The following PDE4D variants were observed in gnomAD, a reference collection of about 807,000 sequenced individuals.
PDE4D encodes the protein 3',5'-cyclic-AMP phosphodiesterase 4D.
Under a neutral mutation model 87.4 loss-of-function variants are expected in PDE4D, and 24 were observed. The observed-to-expected ratio is 0.27, with a 90% CI of 0.20 to 0.39. The LOEUF is 0.39. Ranked by LOEUF, PDE4D falls within the 10% of genes least tolerant of loss-of-function variation. PDE4D has a pLI of 1.00. For missense variants in PDE4D, 714 were observed against 1,041.0 expected (o/e 0.69, Z 4.32); for synonymous variants, 384 against 383.2 (o/e 1.00, Z -0.02).
chr5:60,053,438 G>A (rs1371972600), intron 2 of PDE4D, among the ~76,000 whole-genome samples: 2 of 152,150 alleles, frequency 1.3e-5, no homozygotes, highest in African/African-American at 4.8e-5. Context: ...CAAGCAATGG[G>A]GAAAGGATTC....
At chr5:60,225,020 GGGTATTTTCCCA>G (rs1412960037) in intron 1 of PDE4D, among the ~76,000 whole-genome samples, 1 of 151,968 alleles carries the variant, frequency 6.6e-6, no homozygotes, top group Non-Finnish European at 1.5e-5. Context: ...TCCAGCATCT[GGGTATTTTCCCA>G]GGTACCACCT....
At chr5:60,063,990 C>T (rs775142031) in intron 2 of PDE4D, among the ~76,000 whole-genome samples, 3 of 152,018 alleles carry the variant, frequency 2.0e-5, no homozygotes, top group Non-Finnish European at 4.4e-5. Flanking sequence ...CAATTGTATA[C>T]ATTATGCATC....
At chr5:59,571,348 T>C (rs967113162) in intron 1 of PDE4D, among the ~76,000 whole-genome samples, 10 of 152,206 alleles carry the variant, frequency 6.6e-5, no homozygotes, top group African/African-American at 2.4e-4. Flanking sequence ...TTTCCCTTTT[T>C]TTCTTGAATC....
intron 2 of PDE4D, among the ~76,000 whole-genome samples, chr5:59,209,932 G>A (rs904381898): frequency 1.3e-5 from 2 of 152,138 alleles, no homozygotes; most frequent in Non-Finnish European, 2.9e-5. Context: ...TTAAAATAAC[G>A]CTTGCACCCA....
chr5:60,218,073 A>T (rs1348862511), intron 1 of PDE4D, among the ~76,000 whole-genome samples: 2 of 152,076 alleles, frequency 1.3e-5, no homozygotes, highest in African/African-American at 4.8e-5. Context: ...GAATGAGTAG[A>T]TGTATTCATC....
At chr5:59,565,220 T>C (rs1394113369) in intron 1 of PDE4D, among the ~76,000 whole-genome samples, 1 of 152,074 alleles carries the variant, frequency 6.6e-6, no homozygotes, top group East Asian at 1.9e-4. Context: ...GCCTGTACAC[T>C]ATTTAGAAAG....
chr5:60,076,655 C>T (rs916864562), intron 2 of PDE4D, among the ~76,000 whole-genome samples: 11 of 140,444 alleles, frequency 7.8e-5, no homozygotes, highest in African/African-American at 3.0e-4. Flanking sequence ...CAGTTCCCAA[C>T]TTTGTTTTCT....
chr5:59,336,501 A>G (rs1777678146), intron 1 of PDE4D, among the ~76,000 whole-genome samples: 1 of 152,196 alleles, frequency 6.6e-6, no homozygotes, highest in African/African-American at 2.4e-5. Flanking sequence ...AGCAGGTGTA[A>G]TTAATAAAAG....
chr5:60,327,135 A>T (rs145409585), intron 1 of PDE4D, among the ~76,000 whole-genome samples: 11 of 150,648 alleles, frequency 7.3e-5, no homozygotes, highest in Non-Finnish European at 1.2e-4. Context: ...TTGACATAAG[A>T]TAGATTAATA....
intron 2 of PDE4D, among the ~76,000 whole-genome samples, chr5:60,012,426 T>C (rs1304377982): frequency 6.6e-6 from 1 of 152,228 alleles, no homozygotes; most frequent in Non-Finnish European, 1.5e-5. Context: ...AATGTGACTT[T>C]ATAAGAGAGC....
intron 11 of PDE4D, among the ~76,000 whole-genome samples, chr5:58,984,402 A>G (rs1745938993): frequency 6.6e-6 from 1 of 152,230 alleles, no homozygotes; most frequent in Non-Finnish European, 1.5e-5. Flanking sequence ...ATGTGTCCTA[A>G]GTGCCTGAAA....
chr5:59,884,918 T>C (rs1749939644), intron 1 of PDE4D, among the ~76,000 whole-genome samples: 1 of 152,056 alleles, frequency 6.6e-6, no homozygotes, highest in South Asian at 2.1e-4. Context: ...TGTATATTTG[T>C]CATACATTTT....
At chr5:59,351,277 C>T (rs1194971215) in intron 1 of PDE4D, among the ~76,000 whole-genome samples, 2 of 152,174 alleles carry the variant, frequency 1.3e-5, no homozygotes, top group Non-Finnish European at 2.9e-5. Flanking sequence ...GTCTGTTTGG[C>T]TCTAGAGCCA....
At chr5:59,663,101 C>T (rs73758837) in intron 1 of PDE4D, among the ~76,000 whole-genome samples, 5,096 of 152,214 alleles carry the variant, frequency 0.033, 285 homozygotes, top group African/African-American at 0.12. Flanking sequence ...TATTTCTTAA[C>T]CACTTACATA....
At chr5:60,277,835 T>C (rs542458592) in intron 1 of PDE4D, among the ~76,000 whole-genome samples, 5 of 152,270 alleles carry the variant, frequency 3.3e-5, no homozygotes, top group South Asian at 4.1e-4. Context: ...AAGTGAAGTA[T>C]AGAAACCTTA....
intron 1 of PDE4D, among the ~76,000 whole-genome samples, chr5:60,502,879 A>C (rs1280653812): frequency 6.6e-6 from 1 of 152,112 alleles, no homozygotes; most frequent in Admixed American, 6.6e-5. Context: ...AACATAGTTG[A>C]TATGTCTTAT....
chr5:59,861,616 T>C (rs1301472488), intron 1 of PDE4D, among the ~76,000 whole-genome samples: 6 of 152,232 alleles, frequency 3.9e-5, no homozygotes, highest in Non-Finnish European at 8.8e-5. Flanking sequence ...TCAGAAAATT[T>C]GCATTCCTGT....
intron 2 of PDE4D, among the ~76,000 whole-genome samples, chr5:60,077,308 CA>C (rs1463476624): frequency 6.6e-5 from 10 of 152,172 alleles, no homozygotes; most frequent in African/African-American, 2.2e-4. Flanking sequence ...TCTGCCCATG[CA>C]AATACATGGT....
At chr5:60,424,782 C>A (rs878886653) in intron 1 of PDE4D, among the ~76,000 whole-genome samples, 1 of 152,134 alleles carries the variant, frequency 6.6e-6, no homozygotes, top group Non-Finnish European at 1.5e-5. Flanking sequence ...ATTTAGAAAA[C>A]CCCATCATCT....
Sources: gnomAD v4.1 joint callset for allele counts (sites outside exome capture counted in the v4.1 genomes callset) on GRCh38, gnomAD v4.1.1 for gene constraint, MANE v1.5 for transcripts, NCBI Gene and HGNC (gene_info 2026-07-23, HGNC 2026-07-21) for gene names.